The following AP1M2 variants were observed in gnomAD, a reference collection of about 807,000 sequenced individuals.
The protein encoded by AP1M2 is adaptor related protein complex 1 subunit mu 2, also known as AP-1 complex subunit mu-2.
A neutral mutation model predicts 54.6 loss-of-function variants in AP1M2; 41 were observed. That is an observed-to-expected ratio of 0.75 (90% confidence interval 0.59 to 0.97). The LOEUF (loss-of-function observed/expected upper bound fraction) is 0.97. AP1M2 is among the 50% of genes least tolerant of loss of function. The pLI is 0.00. For synonymous variants in AP1M2, 219 were observed against 215.9 expected, an observed-to-expected ratio of 1.01 and a Z score of -0.13; for missense variants, 507 against 561.2, an observed-to-expected ratio of 0.90 and a Z score of 0.98.
chr19:10,583,802 C>A (rs774940680), intron 2 of AP1M2, 112 bp downstream of exon 2: 1 of 1,495,458 alleles, frequency 6.7e-7, no homozygotes, highest in Admixed American at 2.0e-5. Context: ...GCCTAAGCCA[C>A]AGAGATGTGC....
chr19:10,581,140 C>T (rs868802453), intron 6 of AP1M2, 126 bp downstream of exon 6: 7 of 1,351,282 alleles, frequency 5.2e-6, no homozygotes, highest in South Asian at 1.5e-5. Flanking sequence ...CAATACTGGC[C>T]GTGATCAGCA....
At position 10,577,368 on chromosome 19, in the gene AP1M2, G is replaced by A. The variant is rs753387979; in HGVS notation, c.889-12C>T. On this transcript the variant is annotated splice_polypyrimidine_tract_variant and intron_variant, in intron 8 of 11. Transcript: ENST00000250244. ...AACTGCCCCTTGGCCTGTCAGGGGA[G>A]CGAGCATGGGGCACGAAGAATTCGC... 7 of 1,595,928 alleles carry A rather than the reference G, an allele frequency of 4.4e-6. No homozygotes were observed. The South Asian group carries it at 7.8e-5, about 18-fold the overall frequency.
In AP1M2 at chr19:10,579,801, A is replaced by T. The variant is rs765863268; in HGVS notation, c.731T>A (p.Leu244His). 6.2e-7 allele frequency: 1 copy of T among 1,613,666 alleles called. No homozygotes were observed. The highest frequency in any genetic ancestry group is 2.2e-5 in the East Asian group (1 of 44,840). ...GGTGCGGTCGTTGTCAAAGCGAGAG[A>T]GCCGCACGCACTGGTGGAATTTTAC... Reference protein sequence around the residue: ...EDVKFHQCVRLSRFDNDRTIS... With the variant: ...EDVKFHQCVRHSRFDNDRTIS... The change falls in exon 7 of 12, where the codon CTC becomes CAC. Residue 244 changes from leucine (L) to histidine (H), a missense_variant. Leu to His is a moderately conservative substitution (Grantham distance 99). Coordinates refer to ENST00000250244, the MANE Select transcript of AP1M2 (RefSeq NM_005498.5).
intron 8 of AP1M2, among the ~76,000 whole-genome samples, chr19:10,578,075 T>C (rs909377192): frequency 1.3e-5 from 2 of 152,132 alleles, no homozygotes; most frequent in Non-Finnish European, 2.9e-5. Flanking sequence ...TGTATGGTGC[T>C]GTCCACATGG....
In AP1M2 at chr19:10,584,873, G is replaced by A. The variant is rs181160472; in HGVS notation, c.43-803C>T. ...GCATCCTGGGTCCAGAATCCCTGCT[G>A]TTGCCCCAGACTTCATTTGCACCAA... On this transcript the variant is annotated intron_variant, in intron 1 of 11. Transcript: ENST00000250244. The A allele has an allele frequency of 1.1e-4, 17 of 151,476 alleles. No homozygotes were observed. In the East Asian group the frequency reaches 3.1e-3, roughly 28 times the overall value. The allele number at this position is 151,476 out of a possible 1,614,324, so 9.4% of individuals were successfully genotyped here.
In AP1M2 at chr19:10,579,781, G is replaced by A. The variant is rs376655050; in HGVS notation, c.751C>T (p.Arg251Cys). 81 of 1,613,754 alleles carry A rather than the reference G, an allele frequency of 5.0e-5. No individual in the cohort carries two copies. The highest frequency in any genetic ancestry group is 1.6e-4 in the Middle Eastern group (1 of 6,074). ...CVRLSRFDND[R>C]TISFIPPDGD... is the part of the protein sequence containing the mutation. Reference sequence around the variant, plus strand: ...TCAGGCGGGATGAAGGAGATGGTGCGGTCGTTGTCAAAGCGAGAGAGCCGC... The same window carrying A: ...TCAGGCGGGATGAAGGAGATGGTGCAGTCGTTGTCAAAGCGAGAGAGCCGC... Residue 251 changes from arginine (R) to cysteine (C), a missense_variant, in exon 7 of 12, where the codon CGC becomes TGC. Coordinates refer to ENST00000250244, the MANE Select transcript of AP1M2 (RefSeq NM_005498.5).
At position 10,578,954 on chromosome 19, in the gene AP1M2, G is replaced by C. The variant is rs771473495; in HGVS notation, c.826C>G (p.Leu276Val). The change falls in exon 8 of 12, where the codon CTG becomes GTG. Residue 276 changes from leucine to valine, a missense_variant. Coordinates refer to ENST00000250244, the MANE Select transcript of AP1M2 (RefSeq NM_005498.5). ...SYRLSTQVKPLIWIESVIEKF... is the reference protein window; with the variant it reads ...SYRLSTQVKPVIWIESVIEKF... ...TCAATGACAGACTCAATCCAGATCA[G>C]TGGCTTGACCTGTGGGAAGAAGAAG... 1.2e-6 allele frequency: 2 copies of C among 1,605,082 alleles called. No individual in the cohort carries two copies. The highest frequency in any genetic ancestry group is 1.7e-6 in the Non-Finnish European group (2 of 1,175,774).
chr19:10,580,852 G>A (rs1170013713), intron 6 of AP1M2, among the ~76,000 whole-genome samples: 1 of 151,932 alleles, frequency 6.6e-6, no homozygotes, highest in African/African-American at 2.4e-5. Flanking sequence ...CTACTCGAGA[G>A]GCTGAGGTGG....
Position 10,572,705 on chromosome 19 carries a change from G to T in AP1M2, c.*361C>A. 1 of 243,712 alleles carries T rather than the reference G, an allele frequency of 4.1e-6. No homozygotes were observed. Among genetic ancestry groups the T allele is most frequent in the Non-Finnish European group, 8.2e-6 (1 of 122,464 alleles). The allele number at this position is 243,712 out of a possible 1,614,324, so 15.1% of individuals were successfully genotyped here. ...CTTTTTAATGACATCCTAAAATTCA[G>T]AGGAGGGGCCAGCGGGACCTCTGGG... On this transcript the variant is annotated 3_prime_UTR_variant, in exon 12 of 12. Coordinates refer to ENST00000250244, the MANE Select transcript of AP1M2 (RefSeq NM_005498.5).
chr19:10,577,227 C>A lies in AP1M2; in HGVS notation c.1018G>T (p.Val340Phe). 2.5e-6 allele frequency: 4 copies of A among 1,613,072 alleles called. No homozygotes were observed. The highest frequency in any genetic ancestry group is 3.4e-6 in the Non-Finnish European group (4 of 1,179,596). The change falls in exon 9 of 12, where the codon GTC becomes TTC. Residue 340 changes from valine to phenylalanine, a missense_variant. Transcript: ENST00000250244. ...AAAGACTTAATACTCCAAATCACGACGTTTCTCTCCGGCACATACTTGGCG... is the reference window on the plus strand; with the variant it reads ...AAAGACTTAATACTCCAAATCACGAAGTTTCTCTCCGGCACATACTTGGCG... ...GSAKYVPERN[V>F]VIWSIKSFPG...
Position 10,583,903 on chromosome 19 carries a change from G to C in AP1M2, c.199+11C>G, listed in dbSNP as rs771438498. 8 of 1,590,542 alleles carry C rather than the reference G, an allele frequency of 5.0e-6. No homozygotes were observed. The highest frequency in any genetic ancestry group is 6.8e-6 in the Non-Finnish European group (8 of 1,168,496). On this transcript the variant is annotated intron_variant, in intron 2 of 11. Coordinates refer to ENST00000250244, the MANE Select transcript of AP1M2 (RefSeq NM_005498.5). ...ACACCCACCTCCAGGGACACCACGT[G>C]GGGTGGATACAGTAGAGGTTGCTGT...
intron 7 of AP1M2, 43 bp downstream of exon 7, chr19:10,579,673 A>G: frequency 6.3e-7 from 1 of 1,582,622 alleles, no homozygotes; most frequent in Non-Finnish European, 8.6e-7. Context: ...TCTTCAGCCT[A>G]CCCCAACCTA....
At chr19:10,581,977 G>T in intron 3 of AP1M2, 99 bp from the exon 4 acceptor site, 1 of 1,337,554 alleles carries the variant, frequency 7.5e-7, no homozygotes, top group Non-Finnish European at 1.0e-6. Context: ...GCCAAGGCAC[G>T]AGGATCACTT....
In AP1M2 at chr19:10,579,748, A is replaced by G. The variant is rs1165951610; in HGVS notation, c.784T>C (p.Phe262Leu). 1 of 1,613,910 alleles carries G rather than the reference A, an allele frequency of 6.2e-7. No homozygotes were observed. Residue 262 changes from phenylalanine to leucine, a missense_variant, in exon 7 of 12, where the codon TTT (phenylalanine) becomes CTT (leucine). Phe to Leu is a conservative substitution (Grantham distance 22). Transcript: ENST00000250244. ...CTGAGGCGGTATGACATGAGCTCAA[A>G]GTCACCATCAGGCGGGATGAAGGAG... ...TISFIPPDGD[F>L]ELMSYRLSTQ...
At position 10,581,399 on chromosome 19, in the gene AP1M2, G is replaced by C. The variant is rs768204829; in HGVS notation, c.547-7C>G. 1.2e-6 allele frequency: 2 copies of C among 1,610,558 alleles called. No homozygotes were observed. The highest frequency in any genetic ancestry group is 1.7e-6 in the Non-Finnish European group (2 of 1,177,086). ...CGCTGCCGTTGGCATTGACCTGAGG[G>C]AGGACGTTGGGTATAGTTAGCAGGC... On this transcript the variant is annotated splice_region_variant and splice_polypyrimidine_tract_variant and intron_variant, in intron 5 of 11. Coordinates refer to ENST00000250244, the MANE Select transcript of AP1M2 (RefSeq NM_005498.5).
At position 10,585,283 on chromosome 19, in the gene AP1M2, A is replaced by AAAGAAAGAAAGAAAGAAGGAAAGAAGG. The variant is rs1568434699; in HGVS notation, c.43-1214_43-1213insCCTTCTTTCCTTCTTTCTTTCTTTCTT. The stretch of plus-strand genomic sequence containing the variant: ...AAGAAGGAAAGAAAGAAAGAAGAAA[A>AAAGAAAGAAAGAAAGAAGGAAAGAAGG]AAAGAAAGAAAGAAAGAAAGAAAGA... On this transcript the variant is annotated intron_variant, in intron 1 of 11. Coordinates refer to ENST00000250244, the MANE Select transcript of AP1M2 (RefSeq NM_005498.5). 1.7e-3 allele frequency among the ~76,000 whole-genome samples: 183 copies of AAAGAAAGAAAGAAAGAAGGAAAGAAGG among 104,622 alleles called. 15 individuals are homozygous for AAAGAAAGAAAGAAAGAAGGAAAGAAGG. Among genetic ancestry groups the AAAGAAAGAAAGAAAGAAGGAAAGAAGG allele is most frequent in the African/African-American group, 7.4e-3 (176 of 23,796 alleles). 68.6% of individuals were successfully genotyped at this position (104,622 alleles called of 152,430 possible). A position where few individuals can be genotyped will look rare whatever the true frequency, so the allele number is the denominator to read the frequency against.
chr19:10,578,178 T>G (rs892303600), intron 8 of AP1M2, among the ~76,000 whole-genome samples: 1 of 152,174 alleles, frequency 6.6e-6, no homozygotes, highest in Non-Finnish European at 1.5e-5. Context: ...ATGCCTTAAC[T>G]TCTGTGTGCC....
chr19:10,585,486 CAAG>C (rs1917631078), intron 1 of AP1M2, among the ~76,000 whole-genome samples: 1 of 151,986 alleles, frequency 6.6e-6, no homozygotes, highest in African/African-American at 2.4e-5. Flanking sequence ...ATCATGAGGT[CAAG>C]AGTTCGAGAC....
chr19:10,579,878 G>A lies in AP1M2; in HGVS notation c.674-20C>T. On this transcript the variant is annotated intron_variant, in intron 6 of 11. Transcript: ENST00000250244. The stretch of plus-strand genomic sequence containing the variant: ...TGCTGCCTGAAACTCAGAGTGGAGA[G>A]TGGAGAGTGACCCTGGGAACCAGGA... 6.3e-7 allele frequency: 1 copy of A among 1,584,228 alleles called. No homozygotes were observed. The highest frequency in any genetic ancestry group is 1.1e-5 in the South Asian group (1 of 87,986).
Sources: allele counts gnomAD v4.1 joint callset (sites outside exome capture counted in the v4.1 genomes callset), GRCh38; gene constraint gnomAD v4.1.1; transcripts MANE v1.5; gene names NCBI Gene and HGNC (gene_info 2026-07-23, HGNC 2026-07-21).